FYN: variants seen among roughly 807,000 people sequenced by gnomAD.
FYN encodes tyrosine-protein kinase Fyn.
FYN carries 10 observed loss-of-function variants against 70.2 expected under a neutral mutation model. The observed-to-expected ratio is 0.14, with a 90% confidence interval of 0.09 to 0.24. FYN has a LOEUF of 0.24. FYN is among the 10% of genes least tolerant of loss of function. The pLI is 1.00. For synonymous variants in FYN, 236 were observed against 248.6 expected, an observed-to-expected ratio of 0.95 and a Z score of 0.48; for missense variants, 319 against 673.1, an observed-to-expected ratio of 0.47 and a Z score of 5.82.
At chr6:111,723,662 A>C (rs1246664893) in intron 3 of FYN, among the ~76,000 whole-genome samples, 1 of 152,238 alleles carries the variant, frequency 6.6e-6, no homozygotes, top group African/African-American at 2.4e-5. Context: ...GAAGAGTCAG[A>C]AGACGCTACA....
chr6:111,744,283 G>A (rs1340242741), intron 3 of FYN, among the ~76,000 whole-genome samples: 1 of 152,260 alleles, frequency 6.6e-6, no homozygotes, highest in South Asian at 2.1e-4. Flanking sequence ...TCCTAGCAGA[G>A]ATTTCAGAAA....
chr6:111,805,579 T>G (rs1772121907), intron 2 of FYN, among the ~76,000 whole-genome samples: 1 of 152,074 alleles, frequency 6.6e-6, no homozygotes, highest in Admixed American at 6.6e-5. Flanking sequence ...CCTCCTACAC[T>G]GGCCCCCTTT....
chr6:111,833,931 G>A lies in FYN; in HGVS notation c.-82+12658C>T, dbSNP rs143113587. On this transcript the variant is annotated intron_variant, in intron 2 of 13. Transcript: ENST00000354650. Reference sequence around the variant, plus strand: ...AATGTCCCAACTGTTCTTGAGAGAAGGGATAAAGTGGTCTTCCACTCATAC... The same window carrying A: ...AATGTCCCAACTGTTCTTGAGAGAAAGGATAAAGTGGTCTTCCACTCATAC... 1.7e-3 allele frequency among the ~76,000 whole-genome samples: 256 copies of A among 152,218 alleles called. 1 individual carries two copies. Among genetic ancestry groups the A allele is most frequent in the Non-Finnish European group, 3.0e-3 (204 of 68,018 alleles).
intron 1 of FYN, among the ~76,000 whole-genome samples, chr6:111,870,562 A>C (rs1388973243): frequency 1.3e-5 from 2 of 152,250 alleles, no homozygotes; most frequent in Admixed American, 6.5e-5. Context: ...CTTGGTAGGA[A>C]ACAAGATAAG....
chr6:111,750,277 T>A (rs933997840), intron 3 of FYN, among the ~76,000 whole-genome samples: 1 of 152,234 alleles, frequency 6.6e-6, no homozygotes, highest in East Asian at 1.9e-4. Flanking sequence ...TCCTCCTTGG[T>A]ACTGTCCTCA....
At chr6:111,698,326 T>G (rs1583323382) in intron 9 of FYN, among the ~76,000 whole-genome samples, 1 of 151,986 alleles carries the variant, frequency 6.6e-6, no homozygotes, top group Admixed American at 6.6e-5. Flanking sequence ...AGAGGCAGGG[T>G]TTCTCCATGC....
chr6:111,709,659 A>T (rs1383352110), intron 5 of FYN, among the ~76,000 whole-genome samples: 1 of 152,220 alleles, frequency 6.6e-6, no homozygotes, highest in Non-Finnish European at 1.5e-5. Context: ...GTTCATGTCT[A>T]GATTTATTCA....
chr6:111,809,179 A>G (rs1772245657), intron 2 of FYN, among the ~76,000 whole-genome samples: 1 of 152,244 alleles, frequency 6.6e-6, no homozygotes. Context: ...TTTTACCTCC[A>G]TCTTGGCAAA....
At chr6:111,682,963 C>T (rs1583301267) in intron 12 of FYN, among the ~76,000 whole-genome samples, 1 of 152,302 alleles carries the variant, frequency 6.6e-6, no homozygotes. Flanking sequence ...CAAATGCCAT[C>T]AGCAATGCCA....
intron 6 of FYN, among the ~76,000 whole-genome samples, chr6:111,704,781 C>T (rs575582613): frequency 5.4e-5 from 8 of 148,346 alleles, no homozygotes; most frequent in East Asian, 4.1e-4. Flanking sequence ...AAAAAACAAA[C>T]GCCAGGCATG....
intron 3 of FYN, among the ~76,000 whole-genome samples, chr6:111,765,920 A>AAGT (rs1476801944): frequency 2.6e-5 from 4 of 152,170 alleles, no homozygotes. Flanking sequence ...ATCACATTTG[A>AAGT]AGTGAAAGAG....
chr6:111,708,596 C>T (rs1800220343), intron 5 of FYN, among the ~76,000 whole-genome samples: 1 of 152,188 alleles, frequency 6.6e-6, no homozygotes, highest in African/African-American at 2.4e-5. Context: ...GGAGACACCT[C>T]TCTGCAGGTA....
chr6:111,733,105 A>G (rs528645841), intron 3 of FYN, among the ~76,000 whole-genome samples: 2 of 152,316 alleles, frequency 1.3e-5, no homozygotes, highest in African/African-American at 4.8e-5. Flanking sequence ...CCGAGAACCA[A>G]TAAGAACTTC....
rs779126684 is a variant in FYN, at chr6:111,719,822, C to T, written c.230G>A (p.Arg77His). 35 of 1,613,996 alleles carry T rather than the reference C, an allele frequency of 2.2e-5. No homozygotes were observed. The highest frequency in any genetic ancestry group is 5.0e-5 in the Admixed American group (3 of 60,006). Residue 77 changes from arginine to histidine, a missense_variant, in exon 4 of 14, where the codon CGT becomes CAT. Arg to His is a conservative substitution (Grantham distance 29). Transcript: ENST00000354650. ...GGGCTTACCTGTTCCTCCTCTCGTA[C>T]GCAAGGTCCCCGTATGAGACGAAGA... ...VNSSSHTGTL[R>H]TRGGTGVTLF...
At chr6:111,860,275 C>G (rs1773927962) in intron 1 of FYN, among the ~76,000 whole-genome samples, 2 of 152,184 alleles carry the variant, frequency 1.3e-5, no homozygotes, top group African/African-American at 4.8e-5. Flanking sequence ...TTCCATCCAT[C>G]GTTCCTTCTC....
intron 2 of FYN, among the ~76,000 whole-genome samples, chr6:111,797,313 A>C (rs963576333): frequency 6.6e-6 from 1 of 152,206 alleles, no homozygotes; most frequent in East Asian, 1.9e-4. Context: ...CAGGATACGG[A>C]ATATTAAGAT....
intron 3 of FYN, among the ~76,000 whole-genome samples, chr6:111,754,967 TG>T (rs1340350244): frequency 8.4e-6 from 1 of 119,514 alleles, no homozygotes; most frequent in East Asian, 3.1e-4. Context: ...AAATTTAAGC[TG>T]TTTTTTTTTT....
intron 2 of FYN, chr6:111,793,763 A>G (rs1269060418): frequency 6.6e-6 from 1 of 152,268 alleles, no homozygotes; most frequent in Admixed American, 6.5e-5. Flanking sequence ...GCTTCTGGTC[A>G]GTCAATCCAT....
chr6:111,854,470 T>C (rs890177990), intron 1 of FYN, among the ~76,000 whole-genome samples: 9 of 152,164 alleles, frequency 5.9e-5, no homozygotes, highest in South Asian at 2.1e-4. Flanking sequence ...GTGCTGACCA[T>C]TGCACTGTGA....
Sources: gnomAD v4.1 joint callset for allele counts (sites outside exome capture counted in the v4.1 genomes callset) on GRCh38, gnomAD v4.1.1 for gene constraint, MANE v1.5 for transcripts, NCBI Gene and HGNC (gene_info 2026-07-23, HGNC 2026-07-21) for gene names.